BACH2: variants seen among roughly 807,000 people sequenced by gnomAD.
BACH2 encodes BACH transcriptional regulator 2.
A neutral mutation model predicts 61.8 loss-of-function variants in BACH2; 5 were observed. That is an observed-to-expected ratio of 0.08 (90% confidence interval 0.04 to 0.17). The LOEUF is 0.17. Ranked by LOEUF, BACH2 falls within the 10% of genes least tolerant of loss-of-function variation. The pLI, the probability that BACH2 is intolerant of heterozygous loss-of-function variation, is 1.00. For synonymous variants in BACH2, 446 were observed against 440.1 expected, an observed-to-expected ratio of 1.01 and a Z score of -0.17; for missense variants, 824 against 1,091.1, an observed-to-expected ratio of 0.76 and a Z score of 3.45.
intron 5 of BACH2, among the ~76,000 whole-genome samples, chr6:90,017,346 A>G (rs553245956): frequency 1.1e-4 from 16 of 152,108 alleles, no homozygotes; most frequent in African/African-American, 3.9e-4. Context: ...CAGCCTCCCA[A>G]GTAGCAGGGA....
intron 4 of BACH2, among the ~76,000 whole-genome samples, chr6:90,171,226 C>T (rs1306456521): frequency 1.3e-5 from 2 of 152,058 alleles, no homozygotes; most frequent in East Asian, 3.9e-4. Flanking sequence ...GCCTGGCCAA[C>T]ATGATGAAAC....
rs142460861 is a variant in BACH2 at position 90,149,056 on chromosome 6, C to T, written c.-162+57513G>A. On this transcript the variant is annotated intron_variant, in intron 4 of 8. Transcript: ENST00000257749. ...AGGCAGAACAAGAGAGGGACACAGG[C>T]TGCTAAGGGTTGCCCCAGCAGGGCT... 2.0e-3 allele frequency among the ~76,000 whole-genome samples: 304 copies of T among 152,288 alleles called. 1 individual carries two copies. The Middle Eastern group carries it at 0.02, about 10-fold the overall frequency.
chr6:90,194,326 AT>A (rs930436805), intron 4 of BACH2, among the ~76,000 whole-genome samples: 21 of 150,342 alleles, frequency 1.4e-4, no homozygotes, highest in East Asian at 5.8e-4. Context: ...TCCATTTTTG[AT>A]TTTTTTTTTC....
chr6:89,973,062 C>A (rs1354750017), intron 6 of BACH2, among the ~76,000 whole-genome samples: 1 of 152,154 alleles, frequency 6.6e-6, no homozygotes, highest in East Asian at 1.9e-4. Flanking sequence ...TGCACTCCAG[C>A]CTGGGCAACA....
At chr6:90,134,256 A>G (rs528950765) in intron 4 of BACH2, among the ~76,000 whole-genome samples, 1 of 152,158 alleles carries the variant, frequency 6.6e-6, no homozygotes, top group Admixed American at 6.5e-5. Context: ...ATGGTATCTC[A>G]TTGTGGTTTT....
At chr6:89,982,297 C>T (rs1218870492) in intron 6 of BACH2, among the ~76,000 whole-genome samples, 1 of 151,906 alleles carries the variant, frequency 6.6e-6, no homozygotes, top group East Asian at 1.9e-4. Context: ...GCTACAGTGG[C>T]AAGTGGGAGG....
At chr6:90,024,404 A>T (rs56120063) in intron 5 of BACH2, among the ~76,000 whole-genome samples, 8,830 of 152,304 alleles carry the variant, frequency 0.058, 332 homozygotes, top group Non-Finnish European at 0.091. Flanking sequence ...AAATACAGGG[A>T]TGAGGCCTTT....
chr6:89,997,070 C>T (rs187215339), intron 6 of BACH2, among the ~76,000 whole-genome samples: 7 of 151,816 alleles, frequency 4.6e-5, no homozygotes, highest in African/African-American at 1.5e-4. Context: ...TTTTTTGGTG[C>T]CTCTCTCCCA....
At chr6:89,963,445 C>T (rs1484131397) in intron 6 of BACH2, among the ~76,000 whole-genome samples, 3 of 152,044 alleles carry the variant, frequency 2.0e-5, no homozygotes, top group Non-Finnish European at 2.9e-5. Flanking sequence ...AGGCACATAC[C>T]GTCATGCCCG....
chr6:90,200,092 C>A (rs1768906655), intron 4 of BACH2, among the ~76,000 whole-genome samples: 1 of 152,202 alleles, frequency 6.6e-6, no homozygotes, highest in African/African-American at 2.4e-5. Flanking sequence ...AAGACACAGG[C>A]ACACATCCCA....
intron 3 of BACH2, among the ~76,000 whole-genome samples, chr6:90,234,306 G>T (rs1017624514): frequency 6.6e-6 from 1 of 152,210 alleles, no homozygotes; most frequent in Non-Finnish European, 1.5e-5. Context: ...ATTCAGAAGT[G>T]CAAAGTATAA....
At chr6:89,958,418 T>C (rs1009150944) in intron 6 of BACH2, among the ~76,000 whole-genome samples, 22 of 152,100 alleles carry the variant, frequency 1.4e-4, no homozygotes, top group Admixed American at 1.4e-3. Context: ...TTACTTAACC[T>C]TTCTGTGCTT....
chr6:90,030,813 C>T (rs1778935682), intron 5 of BACH2, among the ~76,000 whole-genome samples: 1 of 151,880 alleles, frequency 6.6e-6, no homozygotes, highest in Non-Finnish European at 1.5e-5. Flanking sequence ...GAAACTATTC[C>T]AATCAATAGA....
chr6:90,276,746 C>T (rs1280459808), intron 1 of BACH2, among the ~76,000 whole-genome samples: 3 of 152,104 alleles, frequency 2.0e-5, no homozygotes, highest in African/African-American at 7.2e-5. Context: ...ATACACTCCC[C>T]AGTTATTCAT....
intron 4 of BACH2, among the ~76,000 whole-genome samples, chr6:90,092,230 T>C (rs1782187893): frequency 6.8e-6 from 1 of 147,526 alleles, no homozygotes; most frequent in African/African-American, 2.5e-5. Flanking sequence ...AGCAACCCAC[T>C]TCTGTTTCAA....
chr6:90,071,425 C>A lies in BACH2; in HGVS notation c.-13+17536G>T, dbSNP rs527892621. On this transcript the variant is annotated intron_variant, in intron 5 of 8. Coordinates refer to ENST00000257749, the MANE Select transcript of BACH2 (RefSeq NM_021813.4). ...ATTTTGCCAGAAAGGAACAAAGAAGCCTTCTTGGAGATGACACTTGAAGAA... is the reference window on the plus strand; with the variant it reads ...ATTTTGCCAGAAAGGAACAAAGAAGACTTCTTGGAGATGACACTTGAAGAA... Among the ~76,000 whole-genome samples, 11 of 152,310 alleles carry A rather than the reference C, an allele frequency of 7.2e-5. No individual in the cohort carries two copies. The South Asian group carries it at 2.3e-3, about 32-fold the overall frequency.
intron 3 of BACH2, among the ~76,000 whole-genome samples, chr6:90,217,350 A>G (rs1214241374): frequency 6.6e-6 from 1 of 152,186 alleles, no homozygotes; most frequent in Non-Finnish European, 1.5e-5. Context: ...AAAAACTGCA[A>G]AATGTTTCAA....
intron 4 of BACH2, among the ~76,000 whole-genome samples, chr6:90,177,837 A>G (rs929254798): frequency 1.3e-5 from 2 of 152,188 alleles, no homozygotes; most frequent in Admixed American, 6.5e-5. Flanking sequence ...TCTAAAGCTG[A>G]TAAGAAGGTA....
intron 6 of BACH2, among the ~76,000 whole-genome samples, chr6:89,976,450 A>G (rs929661510): frequency 6.6e-6 from 1 of 152,216 alleles, no homozygotes; most frequent in African/African-American, 2.4e-5. Flanking sequence ...CAAACTTGAA[A>G]GATATATGAA....
Sources: allele counts gnomAD v4.1 joint callset (sites outside exome capture counted in the v4.1 genomes callset), GRCh38; gene constraint gnomAD v4.1.1; transcripts MANE v1.5; gene names NCBI Gene and HGNC (gene_info 2026-07-23, HGNC 2026-07-21).